ADCY8: variants seen among roughly 807,000 people sequenced by gnomAD.
ADCY8 encodes adenylate cyclase 8, also known as adenylate cyclase type 8.
Under a neutral mutation model 119.7 loss-of-function variants are expected in ADCY8, and 51 were observed. That is an observed-to-expected ratio of 0.43 (90% CI 0.34 to 0.54). ADCY8 has a LOEUF of 0.54. ADCY8 is among the 20% of genes least tolerant of loss of function. ADCY8 has a pLI of 0.03. For synonymous variants in ADCY8, 665 were observed against 651.0 expected (o/e 1.02, Z -0.33); for missense variants, 1,383 against 1,598.8 (o/e 0.87, Z 2.30).
chr8:130,851,761 C>A (rs574909616), intron 9 of ADCY8, among the ~76,000 whole-genome samples: 1 of 152,068 alleles, frequency 6.6e-6, no homozygotes, highest in African/African-American at 2.4e-5. Context: ...AAGTCATTAA[C>A]GATGACATTA....
intron 14 of ADCY8, among the ~76,000 whole-genome samples, chr8:130,806,799 G>T (rs1294207818): frequency 6.6e-6 from 1 of 152,138 alleles, no homozygotes; most frequent in Non-Finnish European, 1.5e-5. Context: ...GGCCTAGCAG[G>T]TCACAGATGT....
intron 1 of ADCY8, among the ~76,000 whole-genome samples, chr8:130,997,658 G>A (rs1822821369): frequency 6.6e-6 from 1 of 152,112 alleles, no homozygotes; most frequent in South Asian, 2.1e-4. Context: ...AAGTGTTTGG[G>A]TTTTAGTATC....
At chr8:130,945,342 A>C (rs1054926081) in intron 3 of ADCY8, among the ~76,000 whole-genome samples, 12 of 152,264 alleles carry the variant, frequency 7.9e-5, no homozygotes, top group African/African-American at 2.9e-4. Flanking sequence ...CAGTTTACTA[A>C]GCTACCTTTG....
At position 131,040,065 on chromosome 8, in the gene ADCY8, G is replaced by T; in HGVS notation, c.269C>A (p.Pro90His). The T allele has an allele frequency of 1.9e-6, 3 of 1,542,084 alleles. No homozygotes were observed. Among genetic ancestry groups the T allele is most frequent in the African/African-American group, 2.7e-5 (2 of 73,404 alleles). Residue 90 changes from proline (P) to histidine (H), a missense_variant, in exon 1 of 18, where the codon CCC becomes CAC. Coordinates refer to ENST00000286355, the MANE Select transcript of ADCY8 (RefSeq NM_001115.3). ...CTCTCCCGGGCCCAGCGAGTAGAGG[G>T]GCAGCGCCGAGTCGCCTGACAGCTG... ...APQLSGDSAL[P>H]LYSLGPGERA...
intron 10 of ADCY8, among the ~76,000 whole-genome samples, chr8:130,848,471 T>C (rs1186116952): frequency 6.6e-6 from 1 of 152,214 alleles, no homozygotes; most frequent in Non-Finnish European, 1.5e-5. Flanking sequence ...CCTTTTCCTC[T>C]TTTCCTTTAT....
intron 5 of ADCY8, among the ~76,000 whole-genome samples, chr8:130,926,495 A>G (rs1166252693): frequency 6.6e-6 from 1 of 152,146 alleles, no homozygotes; most frequent in Non-Finnish European, 1.5e-5. Flanking sequence ...AAAATTGTAT[A>G]TATTTGTTGC....
At chr8:130,820,885 T>C (rs572150715) in intron 13 of ADCY8, among the ~76,000 whole-genome samples, 6 of 152,232 alleles carry the variant, frequency 3.9e-5, no homozygotes, top group Non-Finnish European at 5.9e-5. Context: ...TAGGTATTAC[T>C]AATTTATTTT....
intron 4 of ADCY8, among the ~76,000 whole-genome samples, chr8:130,940,362 A>T (rs990301445): frequency 2.6e-5 from 4 of 152,194 alleles, no homozygotes; most frequent in African/African-American, 9.6e-5. Context: ...TACTCGTCTG[A>T]GGCAGACATT....
intron 1 of ADCY8, among the ~76,000 whole-genome samples, chr8:131,000,845 G>A (rs1444249792): frequency 2.6e-5 from 4 of 151,990 alleles, no homozygotes; most frequent in Non-Finnish European, 4.4e-5. Flanking sequence ...CACGCACCTT[G>A]GGAAGGAGGT....
chr8:130,801,492 T>C (rs557792004), intron 14 of ADCY8, among the ~76,000 whole-genome samples: 1 of 152,344 alleles, frequency 6.6e-6, no homozygotes, highest in South Asian at 2.1e-4. Context: ...TTTTCAGTGA[T>C]CCTTTTCTTT....
At chr8:130,854,502 A>C (rs1817641965) in intron 9 of ADCY8, among the ~76,000 whole-genome samples, 1 of 152,202 alleles carries the variant, frequency 6.6e-6, no homozygotes. Context: ...GAAAGATGGC[A>C]CCTGGACAAC....
chr8:131,008,135 G>A (rs906699863), intron 1 of ADCY8, among the ~76,000 whole-genome samples: 4 of 152,154 alleles, frequency 2.6e-5, no homozygotes, highest in African/African-American at 7.2e-5. Flanking sequence ...AAATAGGGAT[G>A]CAACGTCACC....
At chr8:130,870,018 C>CCTT (rs1554610130) in intron 8 of ADCY8, among the ~76,000 whole-genome samples, 5 of 115,862 alleles carry the variant, frequency 4.3e-5, no homozygotes, top group Admixed American at 9.2e-5. Flanking sequence ...CTTTCTTCTT[C>CCTT]TTTTTTTTTT....
At chr8:130,979,465 C>A (rs1002546480) in intron 2 of ADCY8, among the ~76,000 whole-genome samples, 5 of 152,138 alleles carry the variant, frequency 3.3e-5, no homozygotes, top group Non-Finnish European at 7.3e-5. Context: ...TTGCTAGAAC[C>A]AATATGAGTT....
chr8:131,006,242 C>G (rs962533669), intron 1 of ADCY8, among the ~76,000 whole-genome samples: 3 of 152,148 alleles, frequency 2.0e-5, no homozygotes, highest in Admixed American at 2.0e-4. Flanking sequence ...TTCCTGTGGG[C>G]AGGAGTTACT....
intron 1 of ADCY8, among the ~76,000 whole-genome samples, chr8:130,992,377 T>C (rs74415488): frequency 0.63 from 77,888 of 122,816 alleles, 25,313 homozygotes; most frequent in East Asian, 0.88. Flanking sequence ...AGCAACTGTA[T>C]CTGGCATATA....
chr8:130,962,920 C>T (rs151230995), intron 2 of ADCY8, among the ~76,000 whole-genome samples: 13 of 152,298 alleles, frequency 8.5e-5, no homozygotes, highest in East Asian at 3.9e-4. Context: ...TCACACATTA[C>T]GTAGCACACC....
Position 130,958,725 on chromosome 8 carries a change from C to T in ADCY8, c.1111-6727G>A, listed in dbSNP as rs1477279635. 2.6e-5 allele frequency among the ~76,000 whole-genome samples: 4 copies of T among 152,272 alleles called. No homozygotes were observed. The East Asian group carries it at 5.8e-4, about 22-fold the overall frequency. On this transcript the variant is annotated intron_variant, in intron 2 of 17. Coordinates refer to ENST00000286355, the MANE Select transcript of ADCY8 (RefSeq NM_001115.3). ...TATGATTTAGTTATTTCCACCTGGC[C>T]CTGCCCTTGACATGTGAGGATTATT... is the stretch of plus-strand genomic sequence containing the variant.
intron 1 of ADCY8, among the ~76,000 whole-genome samples, chr8:131,003,882 AG>A (rs1294906492): frequency 4.0e-5 from 6 of 151,530 alleles, no homozygotes; most frequent in Non-Finnish European, 7.4e-5. Context: ...GAGGAGGTGG[AG>A]GAGGAGAAGA....
Sources: allele counts gnomAD v4.1 joint callset (sites outside exome capture counted in the v4.1 genomes callset), GRCh38; gene constraint gnomAD v4.1.1; transcripts MANE v1.5; gene names NCBI Gene and HGNC (gene_info 2026-07-23, HGNC 2026-07-21).